Variants in SPRED2 observed in about 807,000 individuals in gnomAD.
SPRED2 encodes sprouty-related, EVH1 domain-containing protein 2.
In SPRED2, 47 loss-of-function variants were observed where a neutral mutation model predicts 43.0. The ratio of observed to expected loss-of-function variants is 1.09; its 90% CI spans 0.87 to 1.40. The LOEUF is 1.40. Among genes scored for constraint, SPRED2 ranks in the 40% most tolerant of loss-of-function variants. The pLI is 0.00. For synonymous variants in SPRED2, 225 were observed against 225.7 expected (o/e 1.00, Z 0.03); for missense variants, 561 against 586.4 (o/e 0.96, Z 0.45).
intron 4 of SPRED2, 146 bp from the exon 5 acceptor site, chr2:65,317,029 G>C: frequency 1.2e-6 from 1 of 849,026 alleles, no homozygotes; most frequent in Admixed American, 2.3e-5. Context: ...GTTTGTCTTG[G>C]CTACAACAGG....
At chr2:65,310,654 C>T (rs554209682), downstream of SPRED2, among the ~76,000 whole-genome samples, 45 of 152,178 alleles carry the variant, frequency 3.0e-4, no homozygotes, top group South Asian at 1.0e-3. Context: ...CTGAGGCATC[C>T]GAGCCCAAGG....
intron 1 of SPRED2, among the ~76,000 whole-genome samples, chr2:65,430,450 G>A (rs1676650272): frequency 6.6e-6 from 1 of 152,164 alleles, no homozygotes; most frequent in African/African-American, 2.4e-5. Context: ...CGCCCGGACT[G>A]GCAACAGCAG....
At chr2:65,327,136 G>GCA (rs1673646908) in intron 4 of SPRED2, among the ~76,000 whole-genome samples, 1 of 152,104 alleles carries the variant, frequency 6.6e-6, no homozygotes, top group African/African-American at 2.4e-5. Context: ...GATTACAGTT[G>GCA]TGAGCCACCA....
intron 1 of SPRED2, among the ~76,000 whole-genome samples, chr2:65,418,985 T>C (rs554053824): frequency 1.3e-5 from 2 of 152,322 alleles, no homozygotes; most frequent in South Asian, 2.1e-4. Flanking sequence ...TAAATATTAC[T>C]TTATTATTCA....
chr2:65,364,505 A>G (rs941253537), intron 1 of SPRED2, among the ~76,000 whole-genome samples: 3 of 152,232 alleles, frequency 2.0e-5, no homozygotes, highest in Non-Finnish European at 4.4e-5. Context: ...CACAGTGCTT[A>G]ACAGCAAAGG....
At chr2:65,345,144 AT>A (rs1674313351) in intron 1 of SPRED2, among the ~76,000 whole-genome samples, 1 of 152,180 alleles carries the variant, frequency 6.6e-6, no homozygotes, top group Non-Finnish European at 1.5e-5. Context: ...CGAAAGATGT[AT>A]ACAGGCACAA....
chr2:65,358,456 A>C (rs185290727), intron 1 of SPRED2, among the ~76,000 whole-genome samples: 51 of 152,328 alleles, frequency 3.3e-4, no homozygotes, highest in Non-Finnish European at 3.2e-4. Context: ...CAAACAGTTG[A>C]TTCTATCTGC....
At position 65,401,802 on chromosome 2, in the gene SPRED2, A is replaced by AAAAT. The variant is rs899768223; in HGVS notation, c.26+30156_26+30159dup. Among the ~76,000 whole-genome samples the AAAAT allele has an allele frequency of 1.0e-3, 157 of 152,038 alleles. 1 individual carries two copies. The highest frequency in any genetic ancestry group is 2.9e-3 in the African/African-American group (120 of 41,456). On this transcript the variant is annotated intron_variant, in intron 1 of 5. Coordinates refer to ENST00000356388, the MANE Select transcript of SPRED2 (RefSeq NM_181784.3). Reference sequence around the variant, plus strand: ...GCGACAGAGCCAGACTCTGTCTCAAAAAATAAATAAATAAATAAATAAAAA... The same window carrying AAAAT: ...GCGACAGAGCCAGACTCTGTCTCAAAAAATAAATAAATAAATAAATAAATAAAAA...
At chr2:65,328,621 C>G (rs1673717100) in intron 4 of SPRED2, among the ~76,000 whole-genome samples, 2 of 152,222 alleles carry the variant, frequency 1.3e-5, no homozygotes. Context: ...TTTCCTTCCC[C>G]TCCCCTTGGG....
At chr2:65,315,364 G>A (rs1244281288) in intron 5 of SPRED2, among the ~76,000 whole-genome samples, 1 of 152,170 alleles carries the variant, frequency 6.6e-6, no homozygotes, top group Non-Finnish European at 1.5e-5. Flanking sequence ...CTTGCTCACA[G>A]GATGCACTTG....
At chr2:65,396,238 ATC>A in intron 1 of SPRED2, among the ~76,000 whole-genome samples, 1 of 152,060 alleles carries the variant, frequency 6.6e-6, no homozygotes, top group Non-Finnish European at 1.5e-5. Context: ...TTTGTGCTAT[ATC>A]TCTGCCTAAA....
chr2:65,415,452 TAA>T lies in SPRED2; in HGVS notation c.26+16508_26+16509del, dbSNP rs57368286. On this transcript the variant is annotated intron_variant, in intron 1 of 5. Coordinates refer to ENST00000356388, the MANE Select transcript of SPRED2 (RefSeq NM_181784.3). ...CAATCCTATGTTAACAAAGTTTTGT[TAA>T]AAAAAAAAAAATTCAAATATAAGGA... is the stretch of plus-strand genomic sequence containing the variant. Among the ~76,000 whole-genome samples the T allele has an allele frequency of 3.7e-3, 555 of 150,198 alleles. 5 individuals are homozygous for T. Among genetic ancestry groups the T allele is most frequent in the Middle Eastern group, 0.017 (5 of 290 alleles).
At chr2:65,328,121 C>G (rs1330399421) in intron 4 of SPRED2, among the ~76,000 whole-genome samples, 2 of 152,082 alleles carry the variant, frequency 1.3e-5, no homozygotes, top group African/African-American at 4.8e-5. Flanking sequence ...TCACCCCTTC[C>G]CTCCTCTGCC....
At chr2:65,412,146 GAAAGAA>G (rs60221852) in intron 1 of SPRED2, among the ~76,000 whole-genome samples, 1 of 149,800 alleles carries the variant, frequency 6.7e-6, no homozygotes, top group Non-Finnish European at 1.5e-5. Context: ...AGAAAAGAAA[GAAAGAA>G]AAAGAAAAAG....
chr2:65,432,418 T>G lies in SPRED2; in HGVS notation c.-431A>C. The G allele has an allele frequency of 1.2e-5, 2 of 164,030 alleles. No individual in the cohort carries two copies. Among genetic ancestry groups the G allele is most frequent in the Non-Finnish European group, 2.6e-5 (2 of 75,886 alleles). The allele number at this position is 164,030 out of a possible 1,614,324, so 10.2% of individuals were successfully genotyped here. ...CCCCGGGGGGCCGGGCCAATCACGG[T>G]TCCGGGGAGCGGTCGGCGGCCGGGG... On this transcript the variant is annotated 5_prime_UTR_variant, in exon 1 of 6. Coordinates refer to ENST00000356388, the MANE Select transcript of SPRED2 (RefSeq NM_181784.3).
At chr2:65,316,267 C>T (rs1036367248) in intron 5 of SPRED2, among the ~76,000 whole-genome samples, 16 of 152,220 alleles carry the variant, frequency 1.1e-4, no homozygotes, top group African/African-American at 3.6e-4. Flanking sequence ...GCCTGTAAGG[C>T]TGGGGGCTCG....
intron 1 of SPRED2, among the ~76,000 whole-genome samples, chr2:65,399,235 C>T (rs943447523): frequency 1.1e-4 from 17 of 148,690 alleles, no homozygotes; most frequent in Non-Finnish European, 2.4e-4. Context: ...CGCCATTGCA[C>T]TCCAGCCTGG....
chr2:65,312,366 A>G lies in SPRED2; in HGVS notation c.*1135T>C. On this transcript the variant is annotated 3_prime_UTR_variant, in exon 6 of 6. Transcript: ENST00000356388. The stretch of plus-strand genomic sequence containing the variant: ...AGTCCAAAATGAAACGAAAACATAA[A>G]CCCATGAAGAAAATGCAACCCACCA... 1 of 985,372 alleles carries G rather than the reference A, an allele frequency of 1.0e-6. No individual in the cohort carries two copies. The highest frequency in any genetic ancestry group is 1.2e-6 in the Non-Finnish European group (1 of 829,926). 61.0% of individuals were successfully genotyped at this position (985,372 alleles called of 1,614,324 possible). A position where few individuals can be genotyped will look rare whatever the true frequency, so the allele number is the denominator to read the frequency against.
chr2:65,339,940 T>A (rs991447230), intron 2 of SPRED2, among the ~76,000 whole-genome samples: 1 of 152,150 alleles, frequency 6.6e-6, no homozygotes, highest in Non-Finnish European at 1.5e-5. Flanking sequence ...TTTCTTTATA[T>A]ACTTCAACCA....
Sources: gnomAD v4.1 joint callset for allele counts (sites outside exome capture counted in the v4.1 genomes callset) on GRCh38, gnomAD v4.1.1 for gene constraint, MANE v1.5 for transcripts, NCBI Gene and HGNC (gene_info 2026-07-23, HGNC 2026-07-21) for gene names.